The following COL14A1 variants were observed in gnomAD, a reference collection of about 807,000 sequenced individuals.
COL14A1 encodes collagen alpha-1(XIV) chain.
Under a neutral mutation model 230.3 loss-of-function variants are expected in COL14A1, and 136 were observed. That is an observed-to-expected ratio of 0.59 (90% CI 0.51 to 0.68). The LOEUF (loss-of-function observed/expected upper bound fraction) is 0.68, where lower values mean the gene tolerates loss of function less well. COL14A1 is among the 30% of genes least tolerant of loss of function. The pLI, the probability that COL14A1 is intolerant of heterozygous loss-of-function variation, is 0.00. For synonymous variants in COL14A1, 792 were observed against 784.1 expected (o/e 1.01, Z -0.17); for missense variants, 1,976 against 2,215.8 (o/e 0.89, Z 2.17).
rs1347896714 is a variant in COL14A1, at chr8:120,300,735, G to A, written c.4318G>A (p.Asp1440Asn). 1.2e-6 allele frequency: 2 copies of A among 1,612,584 alleles called. No individual in the cohort carries two copies. The highest frequency in any genetic ancestry group is 4.5e-5 in the East Asian group (2 of 44,856). Residue 1440 changes from aspartate (D) to asparagine (N), a missense_variant, in exon 36 of 48, where the codon GAT becomes AAT. Around this residue, in one of 3 missense-constraint regions of COL14A1, gnomAD observed 1,791 missense variants for 2,019.5 expected, o/e 0.89. Transcript: ENST00000297848. ...TGCTTTTTTTGTTTCTTTTCAGAGA[G>A]ATGATGAGTCTTGCCCAGACCTTCC... ...DKCCELPGLR[D>N]DESCPDLPHS... is the part of the protein sequence containing the mutation.
intron 1 of COL14A1, among the ~76,000 whole-genome samples, chr8:120,137,390 T>G (rs188748793): frequency 6.6e-6 from 1 of 152,186 alleles, no homozygotes; most frequent in African/African-American, 2.4e-5. Context: ...TTTTAAATTT[T>G]ATTAATATTT....
At chr8:120,337,814 G>A (rs547377943) in intron 42 of COL14A1, among the ~76,000 whole-genome samples, 122 of 152,180 alleles carry the variant, frequency 8.0e-4, no homozygotes, top group African/African-American at 2.8e-3. Flanking sequence ...TTTTGTTTTT[G>A]TTTTACTTTG....
chr8:120,358,519 C>G (rs192479868), intron 45 of COL14A1, among the ~76,000 whole-genome samples: 2 of 152,000 alleles, frequency 1.3e-5, no homozygotes, highest in East Asian at 3.9e-4. Flanking sequence ...TATTGTGCCT[C>G]AATCCTGAGA....
At chr8:120,322,976 G>A (rs1041542039) in intron 40 of COL14A1, among the ~76,000 whole-genome samples, 18 of 152,162 alleles carry the variant, frequency 1.2e-4, no homozygotes, top group Admixed American at 2.0e-4. Flanking sequence ...AGGAATCGCC[G>A]CACTGCCTTC....
At chr8:120,220,982 C>T (rs1817917635) in intron 14 of COL14A1, among the ~76,000 whole-genome samples, 1 of 152,140 alleles carries the variant, frequency 6.6e-6, no homozygotes, top group East Asian at 1.9e-4. Context: ...CTCATGTAAT[C>T]CTTACAGAAC....
At chr8:120,128,233 G>A (rs1036164176) in intron 1 of COL14A1, among the ~76,000 whole-genome samples, 8 of 91,858 alleles carry the variant, frequency 8.7e-5, no homozygotes, top group Non-Finnish European at 1.7e-4. Flanking sequence ...GCGCGCGTGT[G>A]TGTGTGTGTG....
At chr8:120,166,875 AGTGTGTGT>A (rs4053270) in intron 4 of COL14A1, among the ~76,000 whole-genome samples, 5,113 of 117,030 alleles carry the variant, frequency 0.044, 115 homozygotes, top group East Asian at 0.094. Context: ...AAAGAATTTA[AGTGTGTGT>A]GTGTGTGTGT....
rs1473087527 is a variant in COL14A1, at chr8:120,199,434, T to G, written c.745T>G (p.Phe249Val). ...TTTGAACTACATTTTTGAAAATAGCTTCAAACCAGAAGCAGGATCAAGGAC... is the reference window on the plus strand; with the variant it reads ...TTTGAACTACATTTTTGAAAATAGCGTCAAACCAGAAGCAGGATCAAGGAC... ...LALNYIFENS[F>V]KPEAGSRTGV... is the part of the protein sequence containing the mutation. The change falls in exon 8 of 48, where the codon TTC becomes GTC. Residue 249 changes from phenylalanine to valine, a missense_variant. This residue lies in a region of COL14A1 where 1,791 missense variants were observed against 2,019.5 expected (regional missense o/e 0.89). Transcript: ENST00000297848. 1 of 1,606,938 alleles carries G rather than the reference T, an allele frequency of 6.2e-7. No homozygotes were observed. Among genetic ancestry groups the G allele is most frequent in the Non-Finnish European group, 8.5e-7 (1 of 1,178,018 alleles).
At chr8:120,370,548 T>G in intron 47 of COL14A1, 1 of 1,466,566 alleles carries the variant, frequency 6.8e-7, no homozygotes, top group Middle Eastern at 1.8e-4. Context: ...GCTCCAAACA[T>G]GATGGAGTGA....
intron 45 of COL14A1, among the ~76,000 whole-genome samples, chr8:120,361,092 T>G (rs1018942651): frequency 3.3e-5 from 5 of 151,964 alleles, no homozygotes; most frequent in Non-Finnish European, 4.4e-5. Context: ...TCTACTCTCC[T>G]ACAGGTAATA....
chr8:120,341,182 T>G, intron 42 of COL14A1, 143 bp from the exon 43 acceptor site: 1 of 782,306 alleles, frequency 1.3e-6, no homozygotes, highest in Admixed American at 2.1e-5. Context: ...TTGCTGTTTA[T>G]TTTCTGTTGT....
chr8:120,203,832 T>C lies in COL14A1; in HGVS notation c.1001T>C (p.Leu334Pro). 6.2e-7 allele frequency: 1 copy of C among 1,613,962 alleles called. No homozygotes were observed. Among genetic ancestry groups the C allele is most frequent in the Non-Finnish European group, 8.5e-7 (1 of 1,179,892 alleles). ...GTTGTGGAGAGTCTGACCAGGACTC[T>C]CTGCTCTAGAGTGGAAGAACAGGAC... ...HTVVESLTRT[L>P]CSRVEEQDRE... The change falls in exon 9 of 48, where the codon CTC becomes CCC. Residue 334 changes from leucine to proline, a missense_variant. Leu to Pro is a moderately conservative substitution (Grantham distance 98). Coordinates refer to ENST00000297848, the MANE Select transcript of COL14A1 (RefSeq NM_021110.4).
chr8:120,153,709 A>G (rs1189914028), intron 2 of COL14A1, among the ~76,000 whole-genome samples: 1 of 152,254 alleles, frequency 6.6e-6, no homozygotes, highest in Non-Finnish European at 1.5e-5. Context: ...TTCTCTGGTC[A>G]ACTAAGCAAA....
chr8:120,332,112 T>A (rs1481266860), intron 40 of COL14A1, 29 bp from the exon 41 acceptor site: 1 of 1,611,780 alleles, frequency 6.2e-7, no homozygotes, highest in Non-Finnish European at 8.5e-7. Context: ...AGCAACCACT[T>A]GCTGACATGC....
At chr8:120,327,897 T>C (rs1278155032) in intron 40 of COL14A1, among the ~76,000 whole-genome samples, 1 of 151,952 alleles carries the variant, frequency 6.6e-6, no homozygotes, top group Admixed American at 6.6e-5. Context: ...CCCAAGTAGC[T>C]GGGATTACAG....
At chr8:120,280,857 T>C in intron 30 of COL14A1, 64 bp from the exon 31 acceptor site, 1 of 1,480,458 alleles carries the variant, frequency 6.8e-7, no homozygotes, top group South Asian at 1.3e-5. Flanking sequence ...AATATTAAAA[T>C]TTAAAATTCT....
In COL14A1 at chr8:120,340,128, G is replaced by A. The variant is rs1287541382; in HGVS notation, c.4786-1197G>A. 2.0e-5 allele frequency among the ~76,000 whole-genome samples: 3 copies of A among 151,322 alleles called. No individual in the cohort carries two copies. The East Asian group carries it at 5.8e-4, about 29-fold the overall frequency. On this transcript the variant is annotated intron_variant, in intron 42 of 47. Coordinates refer to ENST00000297848, the MANE Select transcript of COL14A1 (RefSeq NM_021110.4). ...TGAGTGAGTGTGTGTGTGTGTGTGT[G>A]TGTGTGTATTGAATAGACATAGCAG...
At chr8:120,124,630 A>G (rs1444695796), upstream of COL14A1, among the ~76,000 whole-genome samples, 1 of 152,162 alleles carries the variant, frequency 6.6e-6, no homozygotes, top group Non-Finnish European at 1.5e-5. Context: ...ACTTGTTCAC[A>G]AGAGGAAGAG....
chr8:120,213,875 C>T, intron 13 of COL14A1: 6 of 359,066 alleles, frequency 1.7e-5, no homozygotes, highest in Non-Finnish European at 5.4e-6. Context: ...AAATTTAGAG[C>T]CAAATGTGCA....
Sources: allele counts gnomAD v4.1 joint callset (sites outside exome capture counted in the v4.1 genomes callset), GRCh38; gene constraint gnomAD v4.1.1; regional missense constraint gnomAD v4.1.1; transcripts MANE v1.5; gene names NCBI Gene and HGNC (gene_info 2026-07-23, HGNC 2026-07-21).